Variants in PTK2 observed in about 807,000 individuals in gnomAD.
PTK2 encodes focal adhesion kinase 1.
Under a neutral mutation model 150.1 loss-of-function variants are expected in PTK2, and 45 were observed. That is an observed-to-expected ratio of 0.30 (90% CI 0.24 to 0.38). PTK2 has a LOEUF of 0.38. Among genes scored for constraint, PTK2 ranks in the 10% least tolerant of loss-of-function variants. The probability of loss-of-function intolerance (pLI) is 1.00; values close to 1 mark genes in which losing one functional copy is unlikely to be tolerated. For synonymous variants in PTK2, 432 were observed against 449.2 expected (o/e 0.96, Z 0.48); for missense variants, 919 against 1,307.3 (o/e 0.70, Z 4.58).
chr8:140,761,151 C>A lies in PTK2; in HGVS notation c.1332+14G>T, dbSNP rs2100069204. 11 of 1,561,818 alleles carry A rather than the reference C, an allele frequency of 7.0e-6. No individual in the cohort carries two copies. Among genetic ancestry groups the A allele is most frequent in the Non-Finnish European group, 8.8e-6 (10 of 1,133,956 alleles). On this transcript the variant is annotated intron_variant, in intron 16 of 31. Transcript: ENST00000522684. ...AAAATTAGTCTAGTTGTTTGGTAGT[C>A]TTAAAAGACTTACTGGACTCATATA...
intron 2 of PTK2, among the ~76,000 whole-genome samples, chr8:140,895,627 A>G (rs2100155877): frequency 6.6e-6 from 1 of 152,224 alleles, no homozygotes; most frequent in African/African-American, 2.4e-5. Flanking sequence ...TAATGCACAG[A>G]AAAATAGAAT....
chr8:140,993,647 A>G (rs1378047342), intron 1 of PTK2, among the ~76,000 whole-genome samples: 1 of 152,234 alleles, frequency 6.6e-6, no homozygotes, highest in Non-Finnish European at 1.5e-5. Flanking sequence ...AGTTCACAGC[A>G]GAATCCAAAC....
At chr8:140,809,179 G>A (rs2100099960) in intron 10 of PTK2, among the ~76,000 whole-genome samples, 1 of 151,870 alleles carries the variant, frequency 6.6e-6, no homozygotes, top group South Asian at 2.1e-4. Flanking sequence ...CACTTAAAAG[G>A]GAAGAGCACA....
intron 24 of PTK2, among the ~76,000 whole-genome samples, chr8:140,704,139 G>T (rs2100032348): frequency 6.6e-6 from 1 of 152,110 alleles, no homozygotes; most frequent in Admixed American, 6.6e-5. Context: ...ATGTATTATT[G>T]CCAGAAAACA....
chr8:140,717,604 C>A, exon 23 of PTK2: 1 of 1,612,106 alleles, frequency 6.2e-7, no homozygotes, highest in Non-Finnish European at 8.5e-7. Flanking sequence ...CTACCTTGGG[C>A]GGTGCTTCAT....
chr8:140,756,063 A>G (rs2100065505), intron 16 of PTK2, among the ~76,000 whole-genome samples: 1 of 152,134 alleles, frequency 6.6e-6, no homozygotes, highest in African/African-American at 2.4e-5. Flanking sequence ...GGTGGCTCAC[A>G]TCTGTAATCC....
intron 7 of PTK2, among the ~76,000 whole-genome samples, chr8:140,831,760 C>T (rs1339126644): frequency 6.6e-6 from 1 of 152,204 alleles, no homozygotes; most frequent in African/African-American, 2.4e-5. Flanking sequence ...TGTCTCTAGC[C>T]ACTTTTGTTT....
At chr8:140,995,572 T>C (rs11782305) in intron 1 of PTK2, among the ~76,000 whole-genome samples, 64,241 of 151,394 alleles carry the variant, frequency 0.42, 15,348 homozygotes, top group Non-Finnish European at 0.55. Flanking sequence ...TGGGAAAAGG[T>C]GGGCGGATTG....
intron 26 of PTK2, among the ~76,000 whole-genome samples, chr8:140,697,863 T>TG (rs199937672): frequency 6.0e-5 from 8 of 133,962 alleles, no homozygotes; most frequent in Non-Finnish European, 1.3e-4. Flanking sequence ...TTTTTTTTTT[T>TG]TTTTTTTTTT....
At chr8:140,735,003 G>A (rs1167489754) in intron 22 of PTK2, 2 of 539,368 alleles carry the variant, frequency 3.7e-6, no homozygotes, top group Non-Finnish European at 6.6e-6. Flanking sequence ...GCCATGCTAA[G>A]TCAGAAGCTA....
chr8:140,828,317 C>A (rs1428260577), intron 8 of PTK2, among the ~76,000 whole-genome samples: 1 of 152,108 alleles, frequency 6.6e-6, no homozygotes, highest in Non-Finnish European at 1.5e-5. Flanking sequence ...AAGGACCAGT[C>A]ATGGAGGAGA....
chr8:140,661,974 A>G (rs1409244411), intron 31 of PTK2, among the ~76,000 whole-genome samples: 2 of 152,302 alleles, frequency 1.3e-5, no homozygotes, highest in East Asian at 3.9e-4. Flanking sequence ...AGGCAGATGC[A>G]GGATCAAAGA....
At chr8:140,762,002 G>C (rs1305359527) in intron 15 of PTK2, among the ~76,000 whole-genome samples, 1 of 152,042 alleles carries the variant, frequency 6.6e-6, no homozygotes, top group Non-Finnish European at 1.5e-5. Context: ...GAATGTAATA[G>C]ATTCAATTAT....
intron 16 of PTK2, among the ~76,000 whole-genome samples, chr8:140,760,126 G>A (rs574134501): frequency 6.9e-4 from 105 of 152,056 alleles, no homozygotes; most frequent in African/African-American, 2.5e-3. Context: ...GGAGGCTGAG[G>A]CAGAAGAATC....
At chr8:140,846,492 G>T in intron 6 of PTK2, 107 bp downstream of exon 6, 1 of 1,129,150 alleles carries the variant, frequency 8.9e-7, no homozygotes, top group Non-Finnish European at 1.3e-6. Flanking sequence ...ATTTTATTCA[G>T]TATTTCACTG....
At chr8:140,992,644 G>C (rs573479045) in intron 1 of PTK2, among the ~76,000 whole-genome samples, 1 of 152,186 alleles carries the variant, frequency 6.6e-6, no homozygotes, top group African/African-American at 2.4e-5. Flanking sequence ...ACTGGAACGT[G>C]TGCGTGAACA....
At chr8:140,912,816 G>A (rs987644956) in intron 2 of PTK2, among the ~76,000 whole-genome samples, 17 of 151,818 alleles carry the variant, frequency 1.1e-4, no homozygotes, top group Non-Finnish European at 7.4e-5. Flanking sequence ...AAAATTAGAC[G>A]AGCTTGGTAG....
intron 25 of PTK2, among the ~76,000 whole-genome samples, chr8:140,701,271 C>T (rs2100030269): frequency 6.6e-6 from 1 of 151,918 alleles, no homozygotes. Context: ...AGAAATAACA[C>T]AAGATATGTG....
Position 140,700,903 on chromosome 8 carries a change from C to T in PTK2, c.2487G>A (p.Glu829=), listed in dbSNP as rs140437945. Residue 829 remains glutamate, a synonymous_variant, in exon 26 of 32, where the codon GAG becomes GAA. Coordinates refer to ENST00000522684, the Ensembl canonical transcript of PTK2. ...GAAACACAATTACCAGAAATCTTTC[C>T]TCTTTTTCCAGCCAGCGCTGATCTT... The T allele has an allele frequency of 3.0e-3, 4,797 of 1,613,814 alleles. 6 individuals are homozygous for T. Among genetic ancestry groups the T allele is most frequent in the Non-Finnish European group, 3.7e-3 (4,343 of 1,179,856 alleles).
Sources: allele counts gnomAD v4.1 joint callset (sites outside exome capture counted in the v4.1 genomes callset), GRCh38; gene constraint gnomAD v4.1.1; transcripts MANE v1.5; gene names NCBI Gene and HGNC (gene_info 2026-07-23, HGNC 2026-07-21).